HIVEP1: variants seen among roughly 807,000 people sequenced by gnomAD.
HIVEP1 encodes the protein zinc finger protein 40.
A neutral mutation model predicts 180.0 loss-of-function variants in HIVEP1; 36 were observed. The ratio of observed to expected loss-of-function variants is 0.20; its 90% CI spans 0.15 to 0.26. The LOEUF is 0.26. HIVEP1 is among the 10% of genes least tolerant of loss of function. The pLI, the probability that HIVEP1 is intolerant of heterozygous loss-of-function variation, is 1.00. For synonymous variants in HIVEP1, 1,239 were observed against 1,239.0 expected (o/e 1.00, Z 0.00); for missense variants, 3,143 against 3,268.7 (o/e 0.96, Z 0.94).
chr6:12,207,766 T>TAATAATAA, the HIVEP1 span, among the ~76,000 whole-genome samples: 3 of 149,656 alleles, frequency 2.0e-5, no homozygotes, highest in Non-Finnish European at 4.4e-5. Flanking sequence ...ATAATAATAA[T>TAATAATAA]TAGCCAGGTG....
In HIVEP1 at chr6:12,163,251, T is replaced by C. The variant is rs756945180; in HGVS notation, c.6979-32T>C. On this transcript the variant is annotated intron_variant, in intron 8 of 8. Transcript: ENST00000379388. ...TATCTCAGTGATTACAAAAGACCTG[T>C]CATAAAAGGATTGCTCTCTCTTGTC... The C allele has an allele frequency of 2.6e-6, 4 of 1,518,620 alleles. No individual in the cohort carries two copies. The Admixed American group carries it at 7.1e-5, about 27-fold the overall frequency. The allele number at this position is 1,518,620 out of a possible 1,614,324, so 94.1% of individuals were successfully genotyped here. A position where few individuals can be genotyped will look rare whatever the true frequency, so the allele number is the denominator to read the frequency against.
chr6:12,167,655 G>GTATATATACATT (rs1760750269), downstream of HIVEP1, among the ~76,000 whole-genome samples: 5 of 103,374 alleles, frequency 4.8e-5, no homozygotes, highest in Non-Finnish European at 7.9e-5. Context: ...ACATATATAT[G>GTATATATACATT]TTATATATAC....
chr6:12,188,254 G>T, the HIVEP1 span, among the ~76,000 whole-genome samples: 2 of 152,162 alleles, frequency 1.3e-5, no homozygotes, highest in Non-Finnish European at 2.9e-5. Context: ...TAGACAATCT[G>T]TTGTTTTACC....
intron 6 of HIVEP1, among the ~76,000 whole-genome samples, chr6:12,131,156 AAATAT>A (rs1561983957): frequency 6.6e-6 from 1 of 151,672 alleles, no homozygotes; most frequent in Non-Finnish European, 1.5e-5. Context: ...AATATATAAT[AAATAT>A]AATATTTTTA....
chr6:12,188,485 A>G, the HIVEP1 span, among the ~76,000 whole-genome samples: 2 of 152,310 alleles, frequency 1.3e-5, 1 homozygote, highest in South Asian at 4.1e-4. Context: ...AACTATATTG[A>G]TATTTGTAGA....
intron 2 of HIVEP1, among the ~76,000 whole-genome samples, chr6:12,072,972 G>A (rs1772084575): frequency 6.6e-6 from 1 of 151,788 alleles, no homozygotes; most frequent in Non-Finnish European, 1.5e-5. Flanking sequence ...TGCTTTCTCT[G>A]TGTGTCACAT....
At chr6:12,050,710 G>A (rs923330670) in intron 2 of HIVEP1, among the ~76,000 whole-genome samples, 1 of 152,046 alleles carries the variant, frequency 6.6e-6, no homozygotes, top group African/African-American at 2.4e-5. Context: ...GCCCTGTCAG[G>A]CCCCTCCAGA....
intron 6 of HIVEP1, among the ~76,000 whole-genome samples, chr6:12,133,194 G>A (rs1758521367): frequency 6.6e-6 from 1 of 152,142 alleles, no homozygotes; most frequent in African/African-American, 2.4e-5. Flanking sequence ...TGCCCTCTGA[G>A]TTTATTTTGT....
upstream of HIVEP1, among the ~76,000 whole-genome samples, chr6:12,010,257 C>T (rs541311537): frequency 6.6e-6 from 1 of 152,214 alleles, no homozygotes; most frequent in African/African-American, 2.4e-5. Context: ...TGTACATGTA[C>T]ACAGTTGGAT....
chr6:12,153,390 C>A (rs1290967871), intron 7 of HIVEP1, among the ~76,000 whole-genome samples: 2 of 152,070 alleles, frequency 1.3e-5, no homozygotes, highest in Admixed American at 6.5e-5. Flanking sequence ...TAATTAACTG[C>A]ATTTTTCATC....
chr6:12,051,028 A>ATATATATATATATATATG (rs1195272910), intron 2 of HIVEP1, among the ~76,000 whole-genome samples: 6 of 136,130 alleles, frequency 4.4e-5, no homozygotes, highest in Non-Finnish European at 7.6e-5. Context: ...ATATATATAT[A>ATATATATATATATATATG]TATGTATATT....
At chr6:12,016,227 CAG>C (rs1767735321) in intron 2 of HIVEP1, among the ~76,000 whole-genome samples, 1 of 152,116 alleles carries the variant, frequency 6.6e-6, no homozygotes, top group Admixed American at 6.5e-5. Context: ...CATGCAAAGA[CAG>C]AAAAGTGTGT....
chr6:12,077,477 T>G (rs897906353), intron 2 of HIVEP1, among the ~76,000 whole-genome samples: 2 of 152,174 alleles, frequency 1.3e-5, no homozygotes, highest in Admixed American at 1.3e-4. Flanking sequence ...TCATCTGCAC[T>G]TGTCATCTTT....
intron 7 of HIVEP1, among the ~76,000 whole-genome samples, chr6:12,142,696 AG>A (rs1759123153): frequency 1.3e-5 from 2 of 152,240 alleles, no homozygotes; most frequent in South Asian, 4.1e-4. Flanking sequence ...AAAATGATAA[AG>A]GGGCTATCAC....
intron 2 of HIVEP1, among the ~76,000 whole-genome samples, chr6:12,065,435 A>C (rs1771506269): frequency 6.6e-6 from 1 of 152,222 alleles, no homozygotes; most frequent in Non-Finnish European, 1.5e-5. Flanking sequence ...ATTGATGCTC[A>C]CACATGAAAG....
chr6:12,048,902 G>A (rs565518910), intron 2 of HIVEP1, among the ~76,000 whole-genome samples: 1 of 152,274 alleles, frequency 6.6e-6, no homozygotes, highest in East Asian at 1.9e-4. Flanking sequence ...GAGTGTTTAT[G>A]TGGTATCTAC....
chr6:12,020,905 T>TC (rs1368874180), intron 2 of HIVEP1, among the ~76,000 whole-genome samples: 2 of 144,474 alleles, frequency 1.4e-5, no homozygotes, highest in Admixed American at 1.4e-4. Context: ...TTTTTTTTTT[T>TC]TTTGAGACGG....
chr6:12,093,972 A>G (rs1325641524), intron 3 of HIVEP1, among the ~76,000 whole-genome samples: 3 of 152,030 alleles, frequency 2.0e-5, no homozygotes, highest in Admixed American at 2.0e-4. Context: ...TCTGGGGCAA[A>G]CTGACCATCT....
In HIVEP1 at chr6:12,161,764, A is replaced by G; in HGVS notation, c.6813A>G (p.Thr2271=). The G allele has an allele frequency of 6.2e-7, 1 of 1,614,106 alleles. No individual in the cohort carries two copies. Among genetic ancestry groups the G allele is most frequent in the Non-Finnish European group, 8.5e-7 (1 of 1,180,016 alleles). The change falls in exon 8 of 9, where the codon ACA becomes ACG. Residue 2271 remains threonine, a synonymous_variant. Coordinates refer to ENST00000379388, the MANE Select transcript of HIVEP1 (RefSeq NM_002114.4). Reference sequence around the variant, plus strand: ...CACAGTCTGACTACAATAGGAAGACACTCTCTCCGGGGAAGGCCAGGCAGC... The same window carrying G: ...CACAGTCTGACTACAATAGGAAGACGCTCTCTCCGGGGAAGGCCAGGCAGC... The part of the protein sequence containing the change: ...STAQSDYNRK[T]LSPGKARQRA...
Sources: allele counts gnomAD v4.1 joint callset (sites outside exome capture counted in the v4.1 genomes callset), GRCh38; gene constraint gnomAD v4.1.1; transcripts MANE v1.5; gene names NCBI Gene and HGNC (gene_info 2026-07-23, HGNC 2026-07-21).